SEC14L2: variants seen among roughly 807,000 people sequenced by gnomAD.
SEC14L2 encodes SEC14-like protein 2.
SEC14L2 carries 50 observed loss-of-function variants against 56.9 expected under a neutral mutation model. The observed-to-expected ratio is 0.88, with a 90% CI of 0.70 to 1.11. The LOEUF (loss-of-function observed/expected upper bound fraction) is 1.11. SEC14L2 is among the 50% of genes most tolerant of loss of function. The probability of loss-of-function intolerance (pLI) is 0.00; values close to 1 mark genes in which losing one functional copy is unlikely to be tolerated. For synonymous variants in SEC14L2, 179 were observed against 188.5 expected, an observed-to-expected ratio of 0.95 and a Z score of 0.41; for missense variants, 414 against 500.7, an observed-to-expected ratio of 0.83 and a Z score of 1.65.
intron 11 of SEC14L2, among the ~76,000 whole-genome samples, 183 bp from the exon 12 acceptor site, chr22:30,422,094 T>G (rs1224479748): frequency 6.6e-6 from 1 of 152,218 alleles, no homozygotes; most frequent in Non-Finnish European, 1.5e-5. Context: ...TTTCTCTCCA[T>G]GAATGTCTTG....
chr22:30,397,377 C>T (rs1041656628), intron 1 of SEC14L2, among the ~76,000 whole-genome samples: 2 of 152,228 alleles, frequency 1.3e-5, no homozygotes, highest in African/African-American at 4.8e-5. Flanking sequence ...TTTGGCCACC[C>T]CCCGCCCAAG....
At chr22:30,414,603 G>C (rs1056059008) in intron 8 of SEC14L2, among the ~76,000 whole-genome samples, 1 of 152,176 alleles carries the variant, frequency 6.6e-6, no homozygotes, top group Admixed American at 6.6e-5. Flanking sequence ...CCAGGGCCTG[G>C]AGCTGCTGCC....
rs892401935 is a variant in SEC14L2, at chr22:30,397,084, G to C, written c.-33G>C. On this transcript the variant is annotated 5_prime_UTR_variant, in exon 1 of 12. Transcript: ENST00000615189. ...TCAGCTGCCGCACCCGCCGCCTCCC[G>C]CCCCCAAACCCCATCCCCGCGGTTG... is the stretch of plus-strand genomic sequence containing the variant. The C allele has an allele frequency of 2.7e-6, 4 of 1,506,708 alleles. No individual in the cohort carries two copies. The highest frequency in any genetic ancestry group is 3.6e-6 in the Non-Finnish European group (4 of 1,108,628). 93.3% of individuals were successfully genotyped at this position (1,506,708 alleles called of 1,614,324 possible). A position where few individuals can be genotyped will look rare whatever the true frequency, so the allele number is the denominator to read the frequency against.
chr22:30,406,040 C>G (rs737723), intron 2 of SEC14L2, among the ~76,000 whole-genome samples: 113,033 of 151,708 alleles, frequency 0.75, 42,296 homozygotes, highest in South Asian at 0.88. Context: ...ACTGAGAGGA[C>G]GGAAGACCTT....
intron 2 of SEC14L2, among the ~76,000 whole-genome samples, chr22:30,405,058 G>A (rs183692113): frequency 3.6e-4 from 53 of 148,638 alleles, no homozygotes; most frequent in Admixed American, 6.1e-4. Flanking sequence ...TGACAAGAGC[G>A]AAATTGTCTC....
At chr22:30,399,145 C>A (rs1243850002) in intron 1 of SEC14L2, among the ~76,000 whole-genome samples, 1 of 152,114 alleles carries the variant, frequency 6.6e-6, no homozygotes, top group East Asian at 1.9e-4. Context: ...GCCCTGCAAC[C>A]TGGCACCCCC....
intron 1 of SEC14L2, 115 bp from the exon 2 acceptor site, chr22:30,399,528 A>G (rs1933861958): frequency 1.8e-6 from 1 of 556,942 alleles, no homozygotes; most frequent in South Asian, 2.8e-5. Flanking sequence ...AAAAAAAAAA[A>G]AAAAAAAAAG....
At chr22:30,408,987 A>G in intron 5 of SEC14L2, 200 bp from the exon 6 acceptor site, 1 of 667,468 alleles carries the variant, frequency 1.5e-6, no homozygotes, top group South Asian at 1.6e-5. Flanking sequence ...AAAAGAACAC[A>G]GAGACCTAGG....
At chr22:30,407,685 A>C in intron 5 of SEC14L2, 82 bp downstream of exon 5, 1 of 1,338,484 alleles carries the variant, frequency 7.5e-7, no homozygotes, top group African/African-American at 1.4e-5. Context: ...ACAGGAATAT[A>C]AGCACAGCTT....
In SEC14L2 at chr22:30,423,701, C is replaced by G. The variant is rs1934585401; in HGVS notation, c.*1294C>G. 6.6e-6 allele frequency: 1 copy of G among 152,352 alleles called. No homozygotes were observed. The highest frequency in any genetic ancestry group is 2.4e-5 in the African/African-American group (1 of 41,486). 9.4% of individuals were successfully genotyped at this position (152,352 alleles called of 1,614,324 possible). A position where few individuals can be genotyped will look rare whatever the true frequency, so the allele number is the denominator to read the frequency against. On this transcript the variant is annotated 3_prime_UTR_variant, in exon 12 of 12. Coordinates refer to ENST00000615189, the MANE Select transcript of SEC14L2 (RefSeq NM_012429.5). ...CTCATCTTGCGAAGCTGAGGGAGCT[C>G]AGGGCAAAGGCCAGGCTAGCGCGGA...
At chr22:30,410,566 C>T in intron 7 of SEC14L2, 30 bp from the exon 8 acceptor site, 1 of 1,604,970 alleles carries the variant, frequency 6.2e-7, no homozygotes, top group Non-Finnish European at 8.5e-7. Flanking sequence ...GCACTGCTCC[C>T]AGCCTCACAT....
intron 1 of SEC14L2, chr22:30,398,522 G>A (rs1263361607): frequency 2.7e-6 from 1 of 366,076 alleles, no homozygotes; most frequent in African/African-American, 2.1e-5. Context: ...GGAGTGAGAG[G>A]TTGGAGGTAG....
At chr22:30,400,632 C>G (rs1041272587) in intron 2 of SEC14L2, among the ~76,000 whole-genome samples, 4 of 151,908 alleles carry the variant, frequency 2.6e-5, no homozygotes, top group Non-Finnish European at 5.9e-5. Flanking sequence ...CGGTGGCTCA[C>G]GCCTGTAATC....
chr22:30,404,119 CCAT>C (rs1230889453), intron 2 of SEC14L2, among the ~76,000 whole-genome samples: 1 of 151,976 alleles, frequency 6.6e-6, no homozygotes, highest in Non-Finnish European at 1.5e-5. Context: ...AACTCCCCCA[CCAT>C]GAGAGGACAG....
At position 30,425,048 on chromosome 22, in the gene SEC14L2, ACTC is replaced by A. The variant is rs1340323812; in HGVS notation, c.*2645_*2647del. 2 of 338,828 alleles carry A rather than the reference ACTC, an allele frequency of 5.9e-6. No homozygotes were observed. The highest frequency in any genetic ancestry group is 4.3e-5 in the African/African-American group (2 of 46,160). The allele number at this position is 338,828 out of a possible 1,614,324, so 21.0% of individuals were successfully genotyped here. A position where few individuals can be genotyped will look rare whatever the true frequency, so the allele number is the denominator to read the frequency against. On this transcript the variant is annotated 3_prime_UTR_variant, in exon 12 of 12. Coordinates refer to ENST00000615189, the MANE Select transcript of SEC14L2 (RefSeq NM_012429.5). ...CCTACCTCCCAGGGGCTCACCGTTC[ACTC>A]CTCTAGCCTCATTTAGAGCTCGCAT...
chr22:30,422,454 A>C lies in SEC14L2; in HGVS notation c.*47A>C. Reference sequence around the variant, plus strand: ...TGGCCCCCTCAGTGTCTCCCTGTCAATTTCTACCCCTTGTAGCAGTCATTT... The same window carrying C: ...TGGCCCCCTCAGTGTCTCCCTGTCACTTTCTACCCCTTGTAGCAGTCATTT... On this transcript the variant is annotated 3_prime_UTR_variant, in exon 12 of 12. Coordinates refer to ENST00000615189, the MANE Select transcript of SEC14L2 (RefSeq NM_012429.5). 1 of 1,610,584 alleles carries C rather than the reference A, an allele frequency of 6.2e-7. No homozygotes were observed. The highest frequency in any genetic ancestry group is 8.5e-7 in the Non-Finnish European group (1 of 1,178,374).
chr22:30,415,674 C>A lies in SEC14L2; in HGVS notation c.665-85C>A, dbSNP rs894440990. 2.5e-6 allele frequency: 3 copies of A among 1,202,584 alleles called. No homozygotes were observed. In the African/African-American group the frequency reaches 4.5e-5, roughly 18 times the overall value. The allele number at this position is 1,202,584 out of a possible 1,614,324, so 74.5% of individuals were successfully genotyped here. ...GGTGCAATGGATGGGTTTTTTCTGC[C>A]TCTTTAGTGTAGACCACTAGGGTTA... On this transcript the variant is annotated intron_variant, in intron 8 of 11. Transcript: ENST00000615189.
intron 2 of SEC14L2, among the ~76,000 whole-genome samples, chr22:30,401,295 C>T (rs1456218866): frequency 1.3e-5 from 2 of 151,146 alleles, no homozygotes; most frequent in East Asian, 1.9e-4. Context: ...CTGCCACCTC[C>T]ACCTCCCAGG....
chr22:30,416,766 T>G, intron 11 of SEC14L2: 18 of 1,261,520 alleles, frequency 1.4e-5, no homozygotes, highest in Non-Finnish European at 1.8e-5. Context: ...CAGAACTGGC[T>G]GGGTGGGCAT....
Sources: gnomAD v4.1 joint callset for allele counts (sites outside exome capture counted in the v4.1 genomes callset) on GRCh38, gnomAD v4.1.1 for gene constraint, MANE v1.5 for transcripts, NCBI Gene and HGNC (gene_info 2026-07-23, HGNC 2026-07-21) for gene names.